Variants in CSMD1 observed in about 807,000 individuals in gnomAD.
CSMD1 encodes the protein CUB and sushi domain-containing protein 1.
A neutral mutation model predicts 417.5 loss-of-function variants in CSMD1; 213 were observed. The observed-to-expected ratio is 0.51, with a 90% CI of 0.46 to 0.57. The LOEUF (loss-of-function observed/expected upper bound fraction) is 0.57, where lower values mean the gene tolerates loss of function less well. Ranked by LOEUF, CSMD1 falls within the 20% of genes least tolerant of loss-of-function variation. CSMD1 has a pLI of 0.00. For missense variants in CSMD1, 6,923 were observed against 4,529.7 expected, an observed-to-expected ratio of 1.53 and a Z score of -15.17; for synonymous variants, 2,862 against 1,736.8, an observed-to-expected ratio of 1.65 and a Z score of -16.11.
intron 1 of CSMD1, among the ~76,000 whole-genome samples, chr8:4,727,816 T>C (rs1285422189): frequency 2.7e-5 from 4 of 150,822 alleles, no homozygotes; most frequent in Admixed American, 6.7e-5. Flanking sequence ...GGTACATGTA[T>C]ATGTTTGGGA....
intron 23 of CSMD1, among the ~76,000 whole-genome samples, chr8:3,315,514 ATTG>A (rs1805691725): frequency 6.6e-6 from 1 of 151,522 alleles, no homozygotes; most frequent in Admixed American, 6.6e-5. Context: ...TACAGATGCT[ATTG>A]TTTTCAAATT....
chr8:4,421,942 G>C (rs1483163840), intron 2 of CSMD1, among the ~76,000 whole-genome samples: 3 of 151,914 alleles, frequency 2.0e-5, no homozygotes, highest in East Asian at 3.9e-4. Flanking sequence ...AAGGTACAAA[G>C]AGTCACTGTC....
intron 46 of CSMD1, among the ~76,000 whole-genome samples, chr8:3,100,906 C>A (rs761601296): frequency 6.6e-6 from 1 of 152,094 alleles, no homozygotes; most frequent in Non-Finnish European, 1.5e-5. Context: ...TGCCCCAGAG[C>A]CCTTGTGATG....
At chr8:3,278,239 G>C (rs186033569) in intron 26 of CSMD1, 7 of 152,166 alleles carry the variant, frequency 4.6e-5, no homozygotes, top group Non-Finnish European at 1.0e-4. Context: ...ATGTAACATG[G>C]AATTACAAGA....
chr8:4,587,428 T>C (rs538335535), intron 2 of CSMD1, among the ~76,000 whole-genome samples: 16 of 138,412 alleles, frequency 1.2e-4, no homozygotes, highest in Non-Finnish European at 1.6e-4. Flanking sequence ...TACATGTATA[T>C]GTGGATATAT....
chr8:4,397,722 A>G (rs1277984625), intron 3 of CSMD1, among the ~76,000 whole-genome samples: 1 of 152,062 alleles, frequency 6.6e-6, no homozygotes, highest in South Asian at 2.1e-4. Context: ...CTAGATTTGA[A>G]TCTCAAAATA....
At chr8:3,362,494 C>T (rs1049783931) in intron 20 of CSMD1, among the ~76,000 whole-genome samples, 8 of 152,192 alleles carry the variant, frequency 5.3e-5, no homozygotes, top group African/African-American at 1.9e-4. Context: ...TGCCACTCTC[C>T]TCCTAACTCA....
intron 4 of CSMD1, among the ~76,000 whole-genome samples, chr8:4,019,637 G>A (rs375482515): frequency 5.3e-5 from 8 of 152,156 alleles, no homozygotes; most frequent in Admixed American, 2.6e-4. Context: ...AATGCATGAG[G>A]TTAGAAAGGG....
At chr8:2,962,829 G>A (rs1291857788) in intron 60 of CSMD1, among the ~76,000 whole-genome samples, 190 bp from the exon 61 acceptor site, 3 of 152,256 alleles carry the variant, frequency 2.0e-5, no homozygotes, top group East Asian at 1.9e-4. Flanking sequence ...CAGGCGGATC[G>A]CTTGAGCTCA....
chr8:3,902,222 C>T (rs1563193844), intron 5 of CSMD1, among the ~76,000 whole-genome samples: 1 of 152,144 alleles, frequency 6.6e-6, no homozygotes, highest in Non-Finnish European at 1.5e-5. Flanking sequence ...CTATGATTTT[C>T]AGCCCATTGA....
At chr8:4,621,584 G>A (rs890039650) in intron 2 of CSMD1, among the ~76,000 whole-genome samples, 4 of 151,964 alleles carry the variant, frequency 2.6e-5, no homozygotes, top group African/African-American at 7.3e-5. Context: ...AAAACTCCAG[G>A]AGCAGATTTT....
chr8:4,842,611 T>C (rs560103634), intron 1 of CSMD1, among the ~76,000 whole-genome samples: 10 of 152,290 alleles, frequency 6.6e-5, no homozygotes, highest in East Asian at 1.9e-4. Flanking sequence ...GGAACCCGGG[T>C]GCCTATGTGC....
intron 7 of CSMD1, among the ~76,000 whole-genome samples, chr8:3,679,711 C>A (rs1799555037): frequency 1.3e-5 from 2 of 152,178 alleles, no homozygotes; most frequent in Non-Finnish European, 2.9e-5. Flanking sequence ...TAACTCTCCA[C>A]CCCAAATCAA....
At chr8:4,456,998 AAC>A (rs1450209986) in intron 2 of CSMD1, among the ~76,000 whole-genome samples, 17 of 150,234 alleles carry the variant, frequency 1.1e-4, no homozygotes, top group Admixed American at 6.6e-4. Flanking sequence ...AAAAAAAAAA[AAC>A]AACAAGAAAA....
chr8:4,133,815 C>G (rs1038184915), intron 3 of CSMD1, among the ~76,000 whole-genome samples: 8 of 152,162 alleles, frequency 5.3e-5, no homozygotes, highest in African/African-American at 1.9e-4. Flanking sequence ...CTGACCATGC[C>G]TGATCTCCTC....
intron 2 of CSMD1, among the ~76,000 whole-genome samples, chr8:4,586,029 T>A (rs1449324491): frequency 6.6e-6 from 1 of 152,234 alleles, no homozygotes; most frequent in Non-Finnish European, 1.5e-5. Flanking sequence ...TTCATTATTA[T>A]GCGCATGTAA....
chr8:4,229,888 T>C (rs1238391697), intron 3 of CSMD1, among the ~76,000 whole-genome samples: 4 of 152,192 alleles, frequency 2.6e-5, no homozygotes, highest in African/African-American at 4.8e-5. Context: ...AATCTGTGTA[T>C]CGCTTTGAGT....
intron 3 of CSMD1, among the ~76,000 whole-genome samples, chr8:4,154,310 C>T (rs1223221695): frequency 6.6e-6 from 1 of 152,120 alleles, no homozygotes; most frequent in African/African-American, 2.4e-5. Flanking sequence ...TCTCAGCTTC[C>T]TATTTAAGTT....
At chr8:3,411,307 G>A (rs577204777) in intron 12 of CSMD1, among the ~76,000 whole-genome samples, 3 of 152,176 alleles carry the variant, frequency 2.0e-5, no homozygotes, top group African/African-American at 4.8e-5. Context: ...ATCTTGCAGG[G>A]GCCAAGAGCA....
Sources: gnomAD v4.1 joint callset for allele counts (sites outside exome capture counted in the v4.1 genomes callset) on GRCh38, gnomAD v4.1.1 for gene constraint, MANE v1.5 for transcripts, NCBI Gene and HGNC (gene_info 2026-07-23, HGNC 2026-07-21) for gene names.